Variants in CRB1 observed in about 807,000 individuals in gnomAD.
CRB1 encodes the protein crumbs cell polarity complex component 1.
Under a neutral mutation model 120.0 loss-of-function variants are expected in CRB1, and 83 were observed. The ratio of observed to expected loss-of-function variants is 0.69; its 90% confidence interval spans 0.58 to 0.83. The LOEUF (loss-of-function observed/expected upper bound fraction) is 0.83, where lower values mean the gene tolerates loss of function less well. Among genes scored for constraint, CRB1 ranks in the 40% least tolerant of loss-of-function variants. The pLI, the probability that CRB1 is intolerant of heterozygous loss-of-function variation, is 0.00. For missense variants in CRB1, 1,699 were observed against 1,687.6 expected (o/e 1.01, Z -0.12); for synonymous variants, 625 against 612.5 (o/e 1.02, Z -0.30).
At chr1:197,219,018 C>CTCAT in the CRB1 span, among the ~76,000 whole-genome samples, 2 of 152,090 alleles carry the variant, frequency 1.3e-5, no homozygotes, top group South Asian at 2.1e-4. Flanking sequence ...AGGACTAAAG[C>CTCAT]TCATGTAGCT....
chr1:197,329,113 T>A (rs1356667718), intron 2 of CRB1, 110 bp downstream of exon 2: 17 of 943,246 alleles, frequency 1.8e-5, no homozygotes, highest in Non-Finnish European at 2.0e-5. Flanking sequence ...AATGGCCAAG[T>A]TCTTGACAGG....
At position 197,434,841 on chromosome 1, in the gene CRB1, A is replaced by G. The variant is rs1286621680; in HGVS notation, c.2978A>G (p.Glu993Gly). 2 of 1,613,876 alleles carry G rather than the reference A, an allele frequency of 1.2e-6. No homozygotes were observed. Among genetic ancestry groups the G allele is most frequent in the East Asian group, 2.2e-5 (1 of 44,890 alleles). ...GCAAATGTAATAATATTGCATGCAG[A>G]AAAAGAGCCTGAATTTCTTAATATT... The part of the protein sequence containing the change: ...RDANVIILHA[E>G]KEPEFLNISI... Residue 993 changes from glutamate (E) to glycine (G), a missense_variant, in exon 9 of 12, where the codon GAA becomes GGA. Glu to Gly is a moderately conservative substitution (Grantham distance 98). Transcript: ENST00000367400.
intron 1 of CRB1, among the ~76,000 whole-genome samples, chr1:197,281,502 G>A (rs1273125862): frequency 6.6e-6 from 1 of 151,758 alleles, no homozygotes; most frequent in African/African-American, 2.4e-5. Flanking sequence ...GAAGTGCCAT[G>A]AAGGGGGGTT....
intron 6 of CRB1, 37 bp from the exon 7 acceptor site, chr1:197,427,416 CT>C (rs748947425): frequency 3.5e-5 from 56 of 1,581,932 alleles, no homozygotes; most frequent in Non-Finnish European, 4.0e-5. Context: ...TAAGATGTTT[CT>C]TTTTTTTTCT....
At chr1:197,419,441 C>T (rs1664173916) in intron 5 of CRB1, among the ~76,000 whole-genome samples, 1 of 150,978 alleles carries the variant, frequency 6.6e-6, no homozygotes, top group African/African-American at 2.4e-5. Context: ...TGGCTCACTG[C>T]AATCTTCACC....
intron 5 of CRB1, among the ~76,000 whole-genome samples, chr1:197,407,476 G>T (rs185950197): frequency 3.5e-4 from 53 of 152,284 alleles, no homozygotes; most frequent in Admixed American, 1.2e-3. Context: ...ACATTTACAT[G>T]GGTAGATAAA....
At chr1:197,247,732 T>C in the CRB1 span, among the ~76,000 whole-genome samples, 1 of 152,046 alleles carries the variant, frequency 6.6e-6, no homozygotes, top group Non-Finnish European at 1.5e-5. Context: ...ACACCATTGC[T>C]TCCAGGAGTT....
intron 1 of CRB1, among the ~76,000 whole-genome samples, chr1:197,284,439 A>G (rs1655706972): frequency 6.6e-6 from 1 of 151,942 alleles, no homozygotes. Flanking sequence ...GTGACTGAGT[A>G]GTCACATCTA....
chr1:197,372,174 T>C (rs1661404421), intron 5 of CRB1, among the ~76,000 whole-genome samples: 1 of 152,160 alleles, frequency 6.6e-6, no homozygotes, highest in Non-Finnish European at 1.5e-5. Context: ...GAAGTCAACC[T>C]GTAGTATACA....
chr1:197,288,339 A>G (rs1243773220), intron 1 of CRB1, among the ~76,000 whole-genome samples: 1 of 151,870 alleles, frequency 6.6e-6, no homozygotes, highest in East Asian at 1.9e-4. Context: ...TTGGTAGGAT[A>G]TTGCTTCGGT....
In CRB1 at chr1:197,329,788, C is replaced by T. The variant is rs1658744587; in HGVS notation, c.652+785C>T. On this transcript the variant is annotated intron_variant, in intron 2 of 11. Coordinates refer to ENST00000367400, the MANE Select transcript of CRB1 (RefSeq NM_201253.3). ...ACTTGTAAGGGGGTAACTTACCTAGCCTATGCTTTCTCACATGCATTCATT... is the reference window on the plus strand; with the variant it reads ...ACTTGTAAGGGGGTAACTTACCTAGTCTATGCTTTCTCACATGCATTCATT... Among the ~76,000 whole-genome samples the T allele has an allele frequency of 2.0e-5, 3 of 152,160 alleles. No homozygotes were observed. The South Asian group carries it at 6.2e-4, about 32-fold the overall frequency.
chr1:197,329,210 C>T lies in CRB1; in HGVS notation c.652+207C>T, dbSNP rs550964053. 1.9e-3 allele frequency among the ~76,000 whole-genome samples: 294 copies of T among 152,324 alleles called. 2 individuals carry two copies. Among genetic ancestry groups the T allele is most frequent in the Non-Finnish European group, 3.1e-3 (209 of 68,022 alleles). ...AAGTGGTTGCCTGCTGTCACTGTTGCTGTTTTAAATGGAGCTCTACATGAT... is the reference window on the plus strand; with the variant it reads ...AAGTGGTTGCCTGCTGTCACTGTTGTTGTTTTAAATGGAGCTCTACATGAT... On this transcript the variant is annotated intron_variant, in intron 2 of 11. Transcript: ENST00000367400.
chr1:197,345,677 T>A (rs1659726769), intron 3 of CRB1, among the ~76,000 whole-genome samples: 1 of 151,696 alleles, frequency 6.6e-6, no homozygotes, highest in African/African-American at 2.4e-5. Flanking sequence ...CTGGCTAATT[T>A]TGCTATTTTT....
intron 1 of CRB1, among the ~76,000 whole-genome samples, chr1:197,282,802 C>A (rs1016040099): frequency 3.3e-5 from 5 of 151,802 alleles, no homozygotes; most frequent in Admixed American, 2.6e-4. Flanking sequence ...AAGGTCTAAC[C>A]TCTGAAAAAG....
At chr1:197,353,084 A>C (rs1453063596) in intron 4 of CRB1, among the ~76,000 whole-genome samples, 1 of 152,244 alleles carries the variant, frequency 6.6e-6, no homozygotes, top group Admixed American at 6.5e-5. Context: ...AACCATATAC[A>C]CAAATCAATA....
Position 197,429,512 on chromosome 1 carries a change from C to G in CRB1, c.2740C>G (p.Pro914Ala). The G allele has an allele frequency of 6.2e-7, 1 of 1,613,938 alleles. No homozygotes were observed. ...SRWDDFSCSC[P>A]ALTSGKACEE... ...GTGGGATGACTTCTCCTGTTCCTGT[C>G]CTGCCCTCACAAGTGGGAAAGCCTG... Residue 914 changes from proline to alanine, a missense_variant, in exon 8 of 12, where the codon CCT becomes GCT. By Grantham distance (27) the Pro-to-Ala change is conservative. Transcript: ENST00000367400.
chr1:197,453,853 TAA>T (rs925326262), intron 11 of CRB1, among the ~76,000 whole-genome samples: 1 of 141,960 alleles, frequency 7.0e-6, no homozygotes, highest in Non-Finnish European at 1.5e-5. Context: ...ATATTATTAT[TAA>T]TATATATTAA....
At chr1:197,376,926 G>A (rs1162631728) in intron 5 of CRB1, among the ~76,000 whole-genome samples, 1 of 152,074 alleles carries the variant, frequency 6.6e-6, no homozygotes, top group Non-Finnish European at 1.5e-5. Context: ...CTGTAGCTAG[G>A]CTGGGGGTCT....
intron 2 of CRB1, among the ~76,000 whole-genome samples, chr1:197,331,979 A>G (rs1658883350): frequency 6.6e-6 from 1 of 152,004 alleles, no homozygotes; most frequent in Non-Finnish European, 1.5e-5. Context: ...TGGATACCAC[A>G]CTGGCCAACA....
Sources: gnomAD v4.1 joint callset for allele counts (sites outside exome capture counted in the v4.1 genomes callset) on GRCh38, gnomAD v4.1.1 for gene constraint, MANE v1.5 for transcripts, NCBI Gene and HGNC (gene_info 2026-07-23, HGNC 2026-07-21) for gene names.